The following CDHR2 variants were observed in gnomAD, a reference collection of about 807,000 sequenced individuals.
The protein encoded by CDHR2 is cadherin related family member 2, also known as cadherin-related family member 2.
CDHR2 carries 104 observed loss-of-function variants against 138.6 expected under a neutral mutation model. That is an observed-to-expected ratio of 0.75 (90% CI 0.64 to 0.88). The LOEUF is 0.88. Among genes scored for constraint, CDHR2 ranks in the 40% least tolerant of loss-of-function variants. The pLI is 0.00. For synonymous variants in CDHR2, 755 were observed against 742.8 expected, an observed-to-expected ratio of 1.02 and a Z score of -0.27; for missense variants, 1,624 against 1,727.6, an observed-to-expected ratio of 0.94 and a Z score of 1.06.
In CDHR2 at chr5:176,578,543, G is replaced by T. The variant is rs771415872; in HGVS notation, c.1753G>T (p.Val585Leu). The change falls in exon 16 of 32, where the codon GTG (valine) becomes TTG (leucine). Residue 585 changes from valine to leucine, a missense_variant. Coordinates refer to ENST00000261944, the MANE Select transcript of CDHR2 (RefSeq NM_017675.6). ...HLLDINDNAPVVSGSYNIFVQ... is the reference protein window; with the variant it reads ...HLLDINDNAPLVSGSYNIFVQ... ...GCTGGACATCAACGACAATGCACCC[G>T]TGGTTAGCGGCTCCTACAACATCTT... 1.2e-6 allele frequency: 2 copies of T among 1,614,084 alleles called. No individual in the cohort carries two copies. Among genetic ancestry groups the T allele is most frequent in the Middle Eastern group, 1.6e-4 (1 of 6,062 alleles).
In CDHR2 at chr5:176,584,991, G is replaced by A. The variant is rs779052856; in HGVS notation, c.2710G>A (p.Gly904Ser). 1.2e-5 allele frequency: 19 copies of A among 1,547,550 alleles called. No homozygotes were observed. The highest frequency in any genetic ancestry group is 4.7e-5 in the South Asian group (4 of 84,796). Residue 904 changes from glycine (G) to serine (S), a missense_variant, in exon 19 of 32, where the codon GGC becomes AGC. Transcript: ENST00000261944. ...VRACDLATDP[G>S]FQAYSNNGSL... is the part of the protein sequence containing the mutation. ...GGCCTGTGACCTAGCCACGGACCCC[G>A]GCTTCCAGGCCTACAGCAACAATGG... is the stretch of plus-strand genomic sequence containing the variant.
intron 1 of CDHR2, among the ~76,000 whole-genome samples, chr5:176,560,871 G>A (rs1757950001): frequency 6.6e-6 from 1 of 152,214 alleles, no homozygotes; most frequent in Admixed American, 6.5e-5. Context: ...GGAGCATGGC[G>A]AGATGAATCT....
At chr5:176,546,542 TAGAG>T (rs1447198429), upstream of CDHR2, among the ~76,000 whole-genome samples, 3 of 151,856 alleles carry the variant, frequency 2.0e-5, no homozygotes, top group Non-Finnish European at 4.4e-5. Context: ...GAAACCGTCT[TAGAG>T]AGGTTATGCA....
chr5:176,561,607 G>A (rs1757969159), intron 1 of CDHR2, among the ~76,000 whole-genome samples: 1 of 151,108 alleles, frequency 6.6e-6, no homozygotes, highest in Non-Finnish European at 1.5e-5. Flanking sequence ...CATTGAGGGC[G>A]TGTCTGGACA....
rs1360299079 is a variant in CDHR2, at chr5:176,560,378, A to G, written c.-15-4960A>G. ...ACTACTGCACTCCAGCCTGGGCGACAGGAGTAAAACTCTGTCTCAATAAAT... is the reference window on the plus strand; with the variant it reads ...ACTACTGCACTCCAGCCTGGGCGACGGGAGTAAAACTCTGTCTCAATAAAT... On this transcript the variant is annotated intron_variant, in intron 1 of 31. Coordinates refer to ENST00000261944, the MANE Select transcript of CDHR2 (RefSeq NM_017675.6). Among the ~76,000 whole-genome samples, 4 of 152,042 alleles carry G rather than the reference A, an allele frequency of 2.6e-5. No homozygotes were observed. The East Asian group carries it at 5.8e-4, about 22-fold the overall frequency.
At chr5:176,588,610 T>C (rs1175124437) in intron 21 of CDHR2, among the ~76,000 whole-genome samples, 1 of 145,044 alleles carries the variant, frequency 6.9e-6, no homozygotes, top group Non-Finnish European at 1.5e-5. Context: ...TGTGTGCATA[T>C]GTGTGTAAGT....
At chr5:176,557,517 A>G (rs1429311400) in intron 1 of CDHR2, among the ~76,000 whole-genome samples, 1 of 148,992 alleles carries the variant, frequency 6.7e-6, no homozygotes, top group Non-Finnish European at 1.5e-5. Flanking sequence ...CATAATTTTT[A>G]AGACATTATC....
chr5:176,551,046 G>C (rs1757693072), intron 1 of CDHR2, among the ~76,000 whole-genome samples: 1 of 152,168 alleles, frequency 6.6e-6, no homozygotes, highest in African/African-American at 2.4e-5. Context: ...TTCTCACTCT[G>C]TTGCCCAGGC....
chr5:176,559,785 G>A (rs1240060457), intron 1 of CDHR2, among the ~76,000 whole-genome samples: 1 of 151,918 alleles, frequency 6.6e-6, no homozygotes, highest in African/African-American at 2.4e-5. Flanking sequence ...CCCCCATCAG[G>A]AGACATCTGG....
At chr5:176,545,446 A>G (rs944460586), upstream of CDHR2, among the ~76,000 whole-genome samples, 2 of 152,170 alleles carry the variant, frequency 1.3e-5, no homozygotes, top group Non-Finnish European at 2.9e-5. Context: ...TCGGCCGAGA[A>G]GTTTTTCTGA....
chr5:176,584,108 C>A, intron 17 of CDHR2, 82 bp from the exon 18 acceptor site: 1 of 1,169,002 alleles, frequency 8.6e-7, no homozygotes, highest in Non-Finnish European at 1.3e-6. Context: ...TGCCTTGGAG[C>A]ACAGGGATTA....
Position 176,584,616 on chromosome 5 carries a change from A to T in CDHR2, c.2335A>T (p.Ser779Cys). ...ACAGCCCGTCTTCAACTTGACAGTG[A>T]GTGCTGAGAACCCAGACCCCCAGGG... The part of the protein sequence containing the change: ...ETQPVFNLTV[S>C]AENPDPQGGE... Residue 779 changes from serine (S) to cysteine (C), a missense_variant, in exon 19 of 32, where the codon AGT becomes TGT. By Grantham distance (112) the Ser-to-Cys change is moderately radical. Around this residue, in one of 3 missense-constraint regions of CDHR2, gnomAD observed 1,061 missense variants for 1,136.6 expected, o/e 0.93. Transcript: ENST00000261944. The T allele has an allele frequency of 1.9e-6, 3 of 1,607,386 alleles. No homozygotes were observed. The highest frequency in any genetic ancestry group is 1.7e-6 in the Non-Finnish European group (2 of 1,175,010).
Position 176,591,443 on chromosome 5 carries a change from C to T in CDHR2, c.3693C>T (p.Gly1231=). 6.2e-7 allele frequency: 1 copy of T among 1,613,970 alleles called. No individual in the cohort carries two copies. The highest frequency in any genetic ancestry group is 8.5e-7 in the Non-Finnish European group (1 of 1,179,976). ...TGAACCTCCCCAACAAAGACCTGGG[C>T]TTGGAGTACCTCTCTCCCTCCAATG... ...PMLNLPNKDL[G]LEYLSPSNDL... Residue 1231 remains glycine (G), a synonymous_variant, in exon 30 of 32, where the codon GGC becomes GGT. Coordinates refer to ENST00000261944, the MANE Select transcript of CDHR2 (RefSeq NM_017675.6).
chr5:176,585,818 C>T lies in CDHR2; in HGVS notation c.2735-136C>T, dbSNP rs1758649295. 1.0e-5 allele frequency: 7 copies of T among 686,164 alleles called. No individual in the cohort carries two copies. In the Admixed American group the frequency reaches 1.6e-4, roughly 16 times the overall value. The allele number at this position is 686,164 out of a possible 1,614,324, so 42.5% of individuals were successfully genotyped here. A position where few individuals can be genotyped will look rare whatever the true frequency, so the allele number is the denominator to read the frequency against. ...GGGGCACGGGGTTGAGGCTGCGGGG[C>T]ACAGGGTTGAGGCTGCGGGGCACGG... On this transcript the variant is annotated intron_variant, in intron 19 of 31. Transcript: ENST00000261944.
chr5:176,570,108 A>G (rs1319551905), intron 5 of CDHR2, among the ~76,000 whole-genome samples: 1 of 152,136 alleles, frequency 6.6e-6, no homozygotes, highest in Non-Finnish European at 1.5e-5. Flanking sequence ...GCATTTTTTG[A>G]AACCCAGTGG....
At chr5:176,551,690 C>T (rs1205301968) in intron 1 of CDHR2, among the ~76,000 whole-genome samples, 3 of 137,954 alleles carry the variant, frequency 2.2e-5, no homozygotes, top group African/African-American at 8.1e-5. Flanking sequence ...CCACACCTAG[C>T]CAAGAGTTCT....
rs889620305 is a variant in CDHR2, at chr5:176,543,071, G to C, written c.-16+302G>C. Among the ~76,000 whole-genome samples, 1 of 151,826 alleles carries C rather than the reference G, an allele frequency of 6.6e-6. No homozygotes were observed. Among genetic ancestry groups the C allele is most frequent in the African/African-American group, 2.4e-5 (1 of 41,402 alleles). On this transcript the variant is annotated intron_variant, in intron 1 of 31. Transcript: ENST00000510636. This position sits in a 1 kb window ranked among gnomAD's most constrained non-coding sequence, Gnocchi z 4.0. ...GTTGGGGCGTTTGGACCTAGCGGACGGGGAGAAGAGCGGCGCAGCTCCCGC... is the reference window on the plus strand; with the variant it reads ...GTTGGGGCGTTTGGACCTAGCGGACCGGGAGAAGAGCGGCGCAGCTCCCGC...
Position 176,577,569 on chromosome 5 carries a change from G to A in CDHR2, c.1350+15G>A, listed in dbSNP as rs758121928. On this transcript the variant is annotated intron_variant, in intron 13 of 31. Transcript: ENST00000261944. ...TGGCGGTGCAGGTGAGGGCTGCTCC[G>A]GGGTGCCAGGGGCAGAAGCCGAGGG... 1.8e-5 allele frequency: 29 copies of A among 1,613,560 alleles called. No individual in the cohort carries two copies. The highest frequency in any genetic ancestry group is 1.6e-4 in the Middle Eastern group (1 of 6,080).
At chr5:176,562,328 A>C (rs1757984612) in intron 1 of CDHR2, among the ~76,000 whole-genome samples, 1 of 148,884 alleles carries the variant, frequency 6.7e-6, no homozygotes, top group Non-Finnish European at 1.5e-5. Flanking sequence ...GGAGAGATGC[A>C]GGCTGATTAG....
Sources: gnomAD v4.1 joint callset for allele counts (sites outside exome capture counted in the v4.1 genomes callset) on GRCh38, gnomAD v4.1.1 for gene constraint, gnomAD v4.1.1 regional missense constraint, Gnocchi (gnomAD v3.1) non-coding constraint, MANE v1.5 for transcripts, NCBI Gene and HGNC (gene_info 2026-07-23, HGNC 2026-07-21) for gene names.